Variants in BMP2K observed in about 807,000 individuals in gnomAD.
BMP2K encodes the protein BMP-2-inducible protein kinase.
In BMP2K, 74 loss-of-function variants were observed where a neutral mutation model predicts 116.0. That is an observed-to-expected ratio of 0.64 (90% CI 0.53 to 0.77). The LOEUF (loss-of-function observed/expected upper bound fraction) is 0.77, where lower values mean the gene tolerates loss of function less well. Ranked by LOEUF, BMP2K falls within the 30% of genes least tolerant of loss-of-function variation. BMP2K has a pLI of 0.00. For missense variants in BMP2K, 1,365 were observed against 1,403.6 expected, an observed-to-expected ratio of 0.97 and a Z score of 0.44; for synonymous variants, 486 against 502.5, an observed-to-expected ratio of 0.97 and a Z score of 0.44.
intron 2 of BMP2K, among the ~76,000 whole-genome samples, 170 bp from the exon 3 acceptor site, chr4:78,833,410 CTT>C (rs1193112323): frequency 6.6e-6 from 1 of 152,026 alleles, no homozygotes; most frequent in Non-Finnish European, 1.5e-5. Flanking sequence ...TGCAGGTAAA[CTT>C]TTTATTGAAA....
intron 2 of BMP2K, among the ~76,000 whole-genome samples, chr4:78,832,568 C>G (rs1200568846): frequency 1.3e-5 from 2 of 152,034 alleles, no homozygotes; most frequent in African/African-American, 4.8e-5. Context: ...AAAGATTTAC[C>G]TCAAGATGAT....
At chr4:78,843,772 C>A (rs1730870748) in intron 4 of BMP2K, among the ~76,000 whole-genome samples, 1 of 151,486 alleles carries the variant, frequency 6.6e-6, no homozygotes, top group South Asian at 2.1e-4. Flanking sequence ...TAATTTGATA[C>A]CATTTTTTGT....
At chr4:78,908,330 C>T (rs1734388896) in intron 15 of BMP2K, among the ~76,000 whole-genome samples, 1 of 152,168 alleles carries the variant, frequency 6.6e-6, no homozygotes, top group South Asian at 2.1e-4. Context: ...CCTCTTTGCA[C>T]CATCCAGCTC....
At chr4:78,812,255 C>T (rs1331442489) in intron 1 of BMP2K, among the ~76,000 whole-genome samples, 9 of 152,230 alleles carry the variant, frequency 5.9e-5, no homozygotes, top group Non-Finnish European at 8.8e-5. Context: ...AGGCGTGAGC[C>T]ACTGTGCCTG....
chr4:78,804,428 T>C (rs1728723470), intron 1 of BMP2K, among the ~76,000 whole-genome samples: 1 of 152,240 alleles, frequency 6.6e-6, no homozygotes, highest in African/African-American at 2.4e-5. Context: ...ATATATATTT[T>C]AGATTGTTCT....
intron 1 of BMP2K, among the ~76,000 whole-genome samples, chr4:78,811,358 C>G (rs1473986088): frequency 6.6e-6 from 1 of 152,138 alleles, no homozygotes; most frequent in Non-Finnish European, 1.5e-5. Flanking sequence ...CTAAAATATG[C>G]TTTCTACTAA....
At chr4:78,818,181 G>C (rs1729448708) in intron 1 of BMP2K, among the ~76,000 whole-genome samples, 1 of 152,134 alleles carries the variant, frequency 6.6e-6, no homozygotes, top group Non-Finnish European at 1.5e-5. Flanking sequence ...GTGCAGGTTT[G>C]TTACATAGGT....
At chr4:78,908,414 C>T (rs114867095) in intron 15 of BMP2K, among the ~76,000 whole-genome samples, 316 of 152,290 alleles carry the variant, frequency 2.1e-3, no homozygotes, top group African/African-American at 7.1e-3. Context: ...TTTTCTTCCT[C>T]CTCTCTGGCT....
In BMP2K at chr4:78,878,770, A is replaced by G; in HGVS notation, c.1830A>G (p.Thr610=). 1 of 1,612,446 alleles carries G rather than the reference A, an allele frequency of 6.2e-7. No homozygotes were observed. Among genetic ancestry groups the G allele is most frequent in the Non-Finnish European group, 8.5e-7 (1 of 1,179,570 alleles). ...VADKEAIANF[T]NQKNISNPPD... Reference sequence around the variant, plus strand: ...ATAAAGAGGCCATTGCAAATTTCACAAATCAGAAGAACATCAGCAATCCAC... The same window carrying G: ...ATAAAGAGGCCATTGCAAATTTCACGAATCAGAAGAACATCAGCAATCCAC... The change falls in exon 14 of 16, where the codon ACA becomes ACG. Residue 610 remains threonine (T), a synonymous_variant. Coordinates refer to ENST00000502613, the MANE Select transcript of BMP2K (RefSeq NM_198892.2).
intron 10 of BMP2K, among the ~76,000 whole-genome samples, chr4:78,869,552 G>A (rs1389800479): frequency 6.6e-6 from 1 of 152,118 alleles, no homozygotes; most frequent in Non-Finnish European, 1.5e-5. Context: ...AAATGACAAT[G>A]CTTGCAGTGA....
chr4:78,817,172 C>G (rs1003306395), intron 1 of BMP2K, among the ~76,000 whole-genome samples: 1 of 152,144 alleles, frequency 6.6e-6, no homozygotes, highest in African/African-American at 2.4e-5. Context: ...AACTATTATT[C>G]CTGAGTAAAT....
chr4:78,778,536 A>G (rs1727352342), intron 1 of BMP2K, among the ~76,000 whole-genome samples: 3 of 152,228 alleles, frequency 2.0e-5, no homozygotes, highest in Non-Finnish European at 4.4e-5. Flanking sequence ...AAACTTCTCC[A>G]TCCTACACCC....
intron 9 of BMP2K, 38 bp from the exon 10 acceptor site, chr4:78,865,519 T>TC (rs1392479126): frequency 1.3e-5 from 21 of 1,579,968 alleles, no homozygotes; most frequent in Admixed American, 3.4e-5. Context: ...TTAGAAATAA[T>TC]CCCAGTATTT....
chr4:78,825,751 T>C (rs1729837394), intron 1 of BMP2K, among the ~76,000 whole-genome samples: 1 of 152,226 alleles, frequency 6.6e-6, no homozygotes, highest in African/African-American at 2.4e-5. Flanking sequence ...AATTGTGACA[T>C]TTTTCACTAT....
chr4:78,811,874 T>G (rs1011936504), intron 1 of BMP2K, among the ~76,000 whole-genome samples: 5 of 152,236 alleles, frequency 3.3e-5, no homozygotes, highest in Non-Finnish European at 7.3e-5. Context: ...TCTCTTCATT[T>G]AACTGACTCG....
intron 1 of BMP2K, among the ~76,000 whole-genome samples, chr4:78,798,116 G>A (rs541088095): frequency 1.5e-4 from 23 of 152,244 alleles, no homozygotes; most frequent in African/African-American, 5.3e-4. Flanking sequence ...TGCATTTGGC[G>A]GGAATGCATT....
intron 9 of BMP2K, among the ~76,000 whole-genome samples, chr4:78,862,726 C>T (rs181972468): frequency 6.6e-6 from 1 of 152,180 alleles, no homozygotes; most frequent in Non-Finnish European, 1.5e-5. Context: ...GTTAAAATTT[C>T]ATTTGCGAAT....
chr4:78,905,186 T>C (rs1734226721), intron 15 of BMP2K, among the ~76,000 whole-genome samples: 1 of 151,894 alleles, frequency 6.6e-6, no homozygotes, highest in Non-Finnish European at 1.5e-5. Flanking sequence ...TTACAGATAT[T>C]GGTTGATCAT....
Position 78,881,944 on chromosome 4 carries a change from C to T in BMP2K, c.1951+3053C>T, listed in dbSNP as rs192494368. Among the ~76,000 whole-genome samples the T allele has an allele frequency of 3.7e-3, 557 of 151,976 alleles. 2 individuals carry two copies. The highest frequency in any genetic ancestry group is 0.013 in the African/African-American group (536 of 41,504). On this transcript the variant is annotated intron_variant, in intron 14 of 15. Coordinates refer to ENST00000502613, the MANE Select transcript of BMP2K (RefSeq NM_198892.2). ...CTTGACACAGGTATTAACAATTTTC[C>T]AAAGTCTTTTCTAAAATAATTTATA...
Sources: allele counts gnomAD v4.1 joint callset (sites outside exome capture counted in the v4.1 genomes callset), GRCh38; gene constraint gnomAD v4.1.1; transcripts MANE v1.5; gene names NCBI Gene and HGNC (gene_info 2026-07-23, HGNC 2026-07-21).